Variants in SEPTIN12 observed in about 807,000 individuals in gnomAD.
The protein encoded by SEPTIN12 is septin 12.
In SEPTIN12, 42 loss-of-function variants were observed where a neutral mutation model predicts 37.7. The observed-to-expected ratio is 1.11, with a 90% CI of 0.87 to 1.44. SEPTIN12 has a LOEUF of 1.44. Ranked by LOEUF, SEPTIN12 falls within the 40% of genes most tolerant of loss-of-function variation. The pLI, the probability that SEPTIN12 is intolerant of heterozygous loss-of-function variation, is 0.00. For synonymous variants in SEPTIN12, 254 were observed against 196.7 expected (o/e 1.29, Z -2.44); for missense variants, 613 against 479.2 (o/e 1.28, Z -2.61).
chr16:4,784,907 C>A (rs928751487), intron 4 of SEPTIN12, among the ~76,000 whole-genome samples: 2 of 151,974 alleles, frequency 1.3e-5, no homozygotes, highest in African/African-American at 2.4e-5. Context: ...GTCAGTAGTT[C>A]GAGACCAGCC....
chr16:4,779,564 C>A lies in SEPTIN12; in HGVS notation c.823+126G>T, dbSNP rs2082349936. 8.3e-6 allele frequency: 6 copies of A among 719,336 alleles called. 1 individual carries two copies. Among genetic ancestry groups the A allele is most frequent in the South Asian group, 6.1e-5 (4 of 65,746 alleles). 44.6% of individuals were successfully genotyped at this position (719,336 alleles called of 1,614,324 possible). On this transcript the variant is annotated intron_variant, in intron 8 of 9. Coordinates refer to ENST00000268231, the MANE Select transcript of SEPTIN12 (RefSeq NM_144605.5). ...CTCCCAGCTGGAAAGAGGGACCATT[C>A]CCCAGGGCTCTTTGTCTAGTGGGCT...
chr16:4,787,687 G>A lies in SEPTIN12; in HGVS notation c.-22-20C>T, dbSNP rs748480472. ...AGATGCCTGTCACCAGGTGGGTGGG[G>A]AGAAGGGGGTCACTGGGGCTCAGAG... On this transcript the variant is annotated intron_variant, in intron 1 of 9. Transcript: ENST00000268231. The A allele has an allele frequency of 6.0e-5, 65 of 1,091,606 alleles. No homozygotes were observed. In the African/African-American group the frequency reaches 9.0e-4, roughly 15 times the overall value. The allele number at this position is 1,091,606 out of a possible 1,614,324, so 67.6% of individuals were successfully genotyped here.
chr16:4,783,259 C>G (rs185160787), intron 7 of SEPTIN12: 15 of 599,878 alleles, frequency 2.5e-5, no homozygotes, highest in Non-Finnish European at 3.6e-5. Flanking sequence ...GTATGTGATT[C>G]GCAGACATTT....
intron 2 of SEPTIN12, 73 bp downstream of exon 2, chr16:4,787,407 A>T: frequency 7.1e-7 from 1 of 1,404,484 alleles, no homozygotes; most frequent in East Asian, 2.3e-5. Context: ...CAGGCTGCCA[A>T]AGGTGAGGCC....
upstream of SEPTIN12, among the ~76,000 whole-genome samples, chr16:4,789,485 C>T (rs1281376553): frequency 3.9e-5 from 6 of 151,952 alleles, no homozygotes; most frequent in African/African-American, 1.5e-4. Context: ...GCCACCACGC[C>T]CGGCTAATTT....
At chr16:4,788,541 TCCCACCTCCAAGC>T (rs978515804), upstream of SEPTIN12, 1 of 150,132 alleles carries the variant, frequency 6.7e-6, no homozygotes, top group Non-Finnish European at 1.5e-5. Context: ...TCAGCTGGGC[TCCCACCTCCAAGC>T]TGACGCCCTC....
chr16:4,787,502 A>G lies in SEPTIN12; in HGVS notation c.144T>C (p.Phe48=). The G allele has an allele frequency of 1.2e-6, 2 of 1,613,062 alleles. No individual in the cohort carries two copies. The highest frequency in any genetic ancestry group is 2.7e-5 in the African/African-American group (2 of 75,042). ...CACCCACCACCATGATGTTGAACTC[A>G]AACCCCATCTTCATAGCCTTGATCT... ...QLKIKAMKMG[F]EFNIMVVGQS... Residue 48 remains phenylalanine (F), a synonymous_variant, in exon 2 of 10, where the codon TTT becomes TTC. Coordinates refer to ENST00000268231, the MANE Select transcript of SEPTIN12 (RefSeq NM_144605.5).
chr16:4,786,628 T>C (rs1022804055), intron 2 of SEPTIN12, among the ~76,000 whole-genome samples: 3 of 152,092 alleles, frequency 2.0e-5, no homozygotes, highest in South Asian at 4.1e-4. Flanking sequence ...GTGCTGGGAT[T>C]ACAGGCGTGA....
chr16:4,784,117 A>G, intron 4 of SEPTIN12, 49 bp from the exon 5 acceptor site: 1 of 1,607,682 alleles, frequency 6.2e-7, no homozygotes, highest in Non-Finnish European at 8.5e-7. Flanking sequence ...GTGCCCAGAG[A>G]GCCCCACCCC....
Position 4,783,558 on chromosome 16 carries a change from C to G in SEPTIN12, c.631-1G>C, listed in dbSNP as rs778369816. 13 of 1,614,026 alleles carry G rather than the reference C, an allele frequency of 8.1e-6. No homozygotes were observed. The highest frequency in any genetic ancestry group is 1.7e-5 in the Admixed American group (1 of 60,018). ...AGTGGGTCCTCAGGTTCTGCTGGAT[C>G]TGGAGATCCCACACAGGTGACCTCA... On this transcript the variant is annotated splice_acceptor_variant, in intron 6 of 9. Transcript: ENST00000268231. LOFTEE classifies it high-confidence loss of function.
At position 4,783,551 on chromosome 16, in the gene SEPTIN12, G is replaced by A; in HGVS notation, c.637C>T (p.Gln213Ter). ...TCGATGCAGTGGGTCCTCAGGTTCT[G>A]CTGGATCTGGAGATCCCACACAGGT... Reference protein sequence around the residue: ...EREAFRRRIQQNLRTHCIDVY... With the variant: ...EREAFRRRIQ Residue 213 changes from glutamine to a stop codon, truncating the protein, a stop_gained, in exon 7 of 10, where the codon CAG becomes TAG. Coordinates refer to ENST00000268231, the MANE Select transcript of SEPTIN12 (RefSeq NM_144605.5). LOFTEE classifies it high-confidence loss of function. 1 of 1,614,022 alleles carries A rather than the reference G, an allele frequency of 6.2e-7. No homozygotes were observed.
Position 4,783,498 on chromosome 16 carries a change from C to G in SEPTIN12, c.690G>C (p.Glu230Asp), listed in dbSNP as rs144953080. ...IDVYPQMCFD[E>D]DINDKILNSK... ...TGTTGAGGATTTTGTCATTGATGTC[C>G]TCGTCAAAGCACATCTGGGGGTAGA... Residue 230 changes from glutamate to aspartate, a missense_variant, in exon 7 of 10, where the codon GAG (glutamate) becomes GAC (aspartate). By Grantham distance (45) the Glu-to-Asp change is conservative. Coordinates refer to ENST00000268231, the MANE Select transcript of SEPTIN12 (RefSeq NM_144605.5). 5.0e-5 allele frequency: 80 copies of G among 1,614,060 alleles called. No individual in the cohort carries two copies. The African/African-American group carries it at 9.1e-4, about 18-fold the overall frequency.
rs958315011 is a variant in SEPTIN12, at chr16:4,783,266, A to T, written c.726+196T>A. ...CTTATTGGGTATGTGATTCGCAGACATTTTCTCCGATTCTGTGGGTTGTTA... is the reference window on the plus strand; with the variant it reads ...CTTATTGGGTATGTGATTCGCAGACTTTTTCTCCGATTCTGTGGGTTGTTA... On this transcript the variant is annotated intron_variant, in intron 7 of 9. Coordinates refer to ENST00000268231, the MANE Select transcript of SEPTIN12 (RefSeq NM_144605.5). 3 of 607,148 alleles carry T rather than the reference A, an allele frequency of 4.9e-6. No individual in the cohort carries two copies. The African/African-American group carries it at 5.6e-5, about 11-fold the overall frequency. The allele number at this position is 607,148 out of a possible 1,614,324, so 37.6% of individuals were successfully genotyped here.
rs753237706 is a variant in SEPTIN12 at position 4,786,040 on chromosome 16, T to C, written c.232A>G (p.Asn78Asp). The C allele has an allele frequency of 2.5e-6, 4 of 1,614,046 alleles. No individual in the cohort carries two copies. In the South Asian group the frequency reaches 4.4e-5, roughly 18 times the overall value. ...GTGGGCACCCCCAAGCCCGGTGGGT[T>C]TGACTTCCACACTTTGGACTTGAAC... ...TLFKSKVWKS[N>D]PPGLGVPTPQ... The change falls in exon 3 of 10, where the codon AAC becomes GAC. Residue 78 changes from asparagine to aspartate, a missense_variant. By Grantham distance (23) the Asn-to-Asp change is conservative. Transcript: ENST00000268231.
At position 4,779,633 on chromosome 16, in the gene SEPTIN12, C is replaced by T; in HGVS notation, c.823+57G>A. On this transcript the variant is annotated intron_variant, in intron 8 of 9. Coordinates refer to ENST00000268231, the MANE Select transcript of SEPTIN12 (RefSeq NM_144605.5). ...TGATGGGTGCGAAGGTTGCCCAAGG[C>T]TGCTCTGGTTTCCAAACTGACCCCA... is the stretch of plus-strand genomic sequence containing the variant. 5.6e-6 allele frequency: 6 copies of T among 1,073,914 alleles called. No individual in the cohort carries two copies. In the South Asian group the frequency reaches 7.5e-5, roughly 13 times the overall value. The allele number at this position is 1,073,914 out of a possible 1,614,324, so 66.5% of individuals were successfully genotyped here.
At chr16:4,779,569 G>A in intron 8 of SEPTIN12, 121 bp downstream of exon 8, 2 of 728,750 alleles carry the variant, frequency 2.7e-6, no homozygotes, top group South Asian at 1.5e-5. Context: ...CCATTCCCCA[G>A]GGCTCTTTGT....
At chr16:4,782,930 A>G (rs924162114) in intron 7 of SEPTIN12, among the ~76,000 whole-genome samples, 3 of 141,268 alleles carry the variant, frequency 2.1e-5, no homozygotes, top group African/African-American at 8.0e-5. Context: ...TCTGAGATGG[A>G]GTTTCACTCT....
Position 4,783,698 on chromosome 16 carries a change from G to A in SEPTIN12, c.581C>T (p.Ala194Val). ...CRTVNVVPVI[A>V]RADSLTMEER... ...CTCCATGGTCAGGCTGTCGGCCCTG[G>A]CAATCACGGGCACCACATTCACAGT... The change falls in exon 6 of 10, where the codon GCC (alanine) becomes GTC (valine). Residue 194 changes from alanine to valine, a missense_variant. Coordinates refer to ENST00000268231, the MANE Select transcript of SEPTIN12 (RefSeq NM_144605.5). The A allele has an allele frequency of 6.2e-7, 1 of 1,614,068 alleles. No individual in the cohort carries two copies. The highest frequency in any genetic ancestry group is 8.5e-7 in the Non-Finnish European group (1 of 1,180,014).
rs753026864 is a variant in SEPTIN12 at position 4,779,700 on chromosome 16, G to A, written c.813C>T (p.Gly271=). The A allele has an allele frequency of 2.5e-6, 4 of 1,610,056 alleles. No homozygotes were observed. The African/African-American group carries it at 4.0e-5, about 16-fold the overall frequency. ...RCVLGRKTKW[G]IIEVENMAHC... ...GGGCCCCGCACTGACCTTCAATGAT[G>A]CCCCACTTGGTCTTCCGGCCCAGGA... The change falls in exon 8 of 10, where the codon GGC becomes GGT. Residue 271 remains glycine (G), a synonymous_variant. Transcript: ENST00000268231.
Sources: allele counts gnomAD v4.1 joint callset (sites outside exome capture counted in the v4.1 genomes callset), GRCh38; gene constraint gnomAD v4.1.1; transcripts MANE v1.5; gene names NCBI Gene and HGNC (gene_info 2026-07-23, HGNC 2026-07-21).